Variants in GSG1L observed in about 807,000 individuals in gnomAD.
GSG1L encodes the protein GSG1 like.
Under a neutral mutation model 42.1 loss-of-function variants are expected in GSG1L, and 24 were observed. The observed-to-expected ratio is 0.57, with a 90% CI of 0.41 to 0.80. The LOEUF is 0.80. GSG1L is among the 30% of genes least tolerant of loss of function. The pLI is 0.00. For missense variants in GSG1L, 445 were observed against 472.2 expected (o/e 0.94, Z 0.53); for synonymous variants, 215 against 203.5 (o/e 1.06, Z -0.48).
chr16:27,903,302 A>G (rs770901346), intron 2 of GSG1L, among the ~76,000 whole-genome samples: 15 of 152,026 alleles, frequency 9.9e-5, no homozygotes, highest in Non-Finnish European at 2.1e-4. Flanking sequence ...GGTACCCAGT[A>G]TTCCCTCTGG....
intron 2 of GSG1L, among the ~76,000 whole-genome samples, chr16:27,913,115 G>A (rs11648056): frequency 0.043 from 6,613 of 152,116 alleles, 332 homozygotes; most frequent in East Asian, 0.16. Context: ...AAGCCACCAC[G>A]CCTGGCCAAT....
chr16:28,053,522 G>T (rs2086242453), intron 1 of GSG1L, among the ~76,000 whole-genome samples: 1 of 152,182 alleles, frequency 6.6e-6, no homozygotes, highest in South Asian at 2.1e-4. Context: ...TCATCCGTCT[G>T]GATGGGGCGC....
At chr16:28,023,952 C>A (rs2085873410) in intron 1 of GSG1L, among the ~76,000 whole-genome samples, 1 of 152,108 alleles carries the variant, frequency 6.6e-6, no homozygotes, top group South Asian at 2.1e-4. Context: ...ATCGCTTGAG[C>A]CAAGGAGTTG....
chr16:28,000,351 C>T (rs2085568084), intron 1 of GSG1L, among the ~76,000 whole-genome samples: 1 of 152,144 alleles, frequency 6.6e-6, no homozygotes, highest in South Asian at 2.1e-4. Flanking sequence ...AGTTAGGCCA[C>T]CTCAGAGAGT....
intron 6 of GSG1L, among the ~76,000 whole-genome samples, chr16:27,797,293 C>T (rs2144399220): frequency 6.6e-6 from 1 of 152,154 alleles, no homozygotes; most frequent in East Asian, 1.9e-4. Flanking sequence ...GAGGCTGAGG[C>T]AGGTGGATTA....
chr16:27,972,865 T>G (rs2085208657), intron 1 of GSG1L, among the ~76,000 whole-genome samples: 1 of 152,142 alleles, frequency 6.6e-6, no homozygotes. Flanking sequence ...AAAATATCCT[T>G]CCAACATTAG....
chr16:28,059,983 G>A lies in GSG1L; in HGVS notation c.349+3093C>T, dbSNP rs547846726. ...GTGGGGAGAGGTTTTTCTGAGCCTA[G>A]AAAGGAATGGCCGAACAGGCAAACA... On this transcript the variant is annotated intron_variant, in intron 1 of 6. Transcript: ENST00000447459. This position sits in a 1 kb window ranked among gnomAD's most constrained non-coding sequence, Gnocchi z 4.4. Among the ~76,000 whole-genome samples, 1 of 152,268 alleles carries A rather than the reference G, an allele frequency of 6.6e-6. No individual in the cohort carries two copies. Among genetic ancestry groups the A allele is most frequent in the East Asian group, 1.9e-4 (1 of 5,186 alleles).
intron 2 of GSG1L, among the ~76,000 whole-genome samples, chr16:27,896,310 C>T (rs2084191548): frequency 6.6e-6 from 1 of 152,196 alleles, no homozygotes; most frequent in African/African-American, 2.4e-5. Flanking sequence ...GCCCCTGGGG[C>T]TGGCTGAATA....
intron 1 of GSG1L, among the ~76,000 whole-genome samples, chr16:27,988,720 A>G (rs2085416295): frequency 6.7e-6 from 1 of 149,524 alleles, no homozygotes; most frequent in Non-Finnish European, 1.5e-5. Flanking sequence ...AGAGAAAATT[A>G]TTTTGTTTAC....
At chr16:27,975,516 G>A (rs1186991681) in intron 1 of GSG1L, among the ~76,000 whole-genome samples, 26 of 152,146 alleles carry the variant, frequency 1.7e-4, no homozygotes, top group Non-Finnish European at 1.2e-4. Context: ...TTTAGTACAC[G>A]TGTCCTCTAC....
intron 2 of GSG1L, among the ~76,000 whole-genome samples, chr16:27,931,860 G>T (rs560880888): frequency 1.3e-5 from 2 of 152,262 alleles, no homozygotes; most frequent in Admixed American, 1.3e-4. Flanking sequence ...GGCGGGTGTT[G>T]GGTTAGGTAT....
chr16:28,038,063 G>A lies in GSG1L; in HGVS notation c.349+25013C>T, dbSNP rs186196127. Among the ~76,000 whole-genome samples, 15 of 152,310 alleles carry A rather than the reference G, an allele frequency of 9.8e-5. No individual in the cohort carries two copies. The East Asian group carries it at 2.5e-3, about 25-fold the overall frequency. On this transcript the variant is annotated intron_variant, in intron 1 of 6. Coordinates refer to ENST00000447459, the MANE Select transcript of GSG1L (RefSeq NM_001109763.2). ...AATTATTATCCCACCTTACAGATGA[G>A]GAGCTAAGGCACGGAGCAGTTAAAC...
At chr16:27,888,476 CT>C (rs2084068222) in intron 2 of GSG1L, among the ~76,000 whole-genome samples, 8 of 60,042 alleles carry the variant, frequency 1.3e-4, no homozygotes, top group African/African-American at 4.3e-4. Flanking sequence ...CTCTCTCTCT[CT>C]CTTTCCTTTC....
chr16:27,922,183 C>T (rs2084532077), intron 2 of GSG1L, among the ~76,000 whole-genome samples: 1 of 152,102 alleles, frequency 6.6e-6, no homozygotes, highest in Non-Finnish European at 1.5e-5. Flanking sequence ...CTCCTCTACA[C>T]TACCCTCATT....
chr16:27,902,528 C>T (rs896497400), intron 2 of GSG1L, among the ~76,000 whole-genome samples: 3 of 151,556 alleles, frequency 2.0e-5, no homozygotes, highest in East Asian at 1.9e-4. Flanking sequence ...GATGATGAGA[C>T]GGGAGGTTCG....
At chr16:27,993,947 A>T (rs983884885) in intron 1 of GSG1L, among the ~76,000 whole-genome samples, 1 of 152,230 alleles carries the variant, frequency 6.6e-6, no homozygotes, top group Non-Finnish European at 1.5e-5. Context: ...GCCTTATGCA[A>T]ATGAGACACC....
At chr16:28,001,694 G>C (rs562023767) in intron 1 of GSG1L, among the ~76,000 whole-genome samples, 3 of 152,236 alleles carry the variant, frequency 2.0e-5, no homozygotes, top group African/African-American at 7.2e-5. Flanking sequence ...AGGACAAATG[G>C]GGTTCCTCCT....
chr16:28,018,761 A>C (rs1208240896), intron 1 of GSG1L, among the ~76,000 whole-genome samples: 4 of 150,894 alleles, frequency 2.7e-5, no homozygotes, highest in Non-Finnish European at 3.0e-5. Context: ...CCCAGACCCC[A>C]CCTCACCTGG....
rs143934992 is a variant in GSG1L, at chr16:28,046,601, G to A, written c.349+16475C>T. ...GATCTCCTGACCTCATGATCCGCCT[G>A]CCTTGGCCTCCCAAAGTGCTGGGAT... On this transcript the variant is annotated intron_variant, in intron 1 of 6. Transcript: ENST00000447459. Among the ~76,000 whole-genome samples, 470 of 152,126 alleles carry A rather than the reference G, an allele frequency of 3.1e-3. 2 individuals carry two copies. Among genetic ancestry groups the A allele is most frequent in the African/African-American group, 0.011 (441 of 41,512 alleles).
Sources: allele counts gnomAD v4.1 joint callset (sites outside exome capture counted in the v4.1 genomes callset), GRCh38; gene constraint gnomAD v4.1.1; non-coding constraint Gnocchi (gnomAD v3.1); transcripts MANE v1.5; gene names NCBI Gene and HGNC (gene_info 2026-07-23, HGNC 2026-07-21).